IQCM: variants seen among roughly 807,000 people sequenced by gnomAD.
IQCM encodes the protein IQ motif containing M.
A neutral mutation model predicts 57.6 loss-of-function variants in IQCM; 45 were observed. The ratio of observed to expected loss-of-function variants is 0.78; its 90% CI spans 0.62 to 1.00. The LOEUF is 1.00. IQCM is among the 50% of genes least tolerant of loss of function. The pLI, the probability that IQCM is intolerant of heterozygous loss-of-function variation, is 0.00. For synonymous variants in IQCM, 148 were observed against 158.9 expected (o/e 0.93, Z 0.51); for missense variants, 468 against 511.6 (o/e 0.91, Z 0.82).
intron 2 of IQCM, among the ~76,000 whole-genome samples, chr4:149,791,256 G>T (rs1249422094): frequency 6.6e-6 from 1 of 151,520 alleles, no homozygotes; most frequent in Non-Finnish European, 1.5e-5. Context: ...CTTTTTTATT[G>T]ACTCTCATTA....
chr4:149,462,662 A>T (rs927884610), intron 12 of IQCM, among the ~76,000 whole-genome samples: 4 of 152,154 alleles, frequency 2.6e-5, no homozygotes, highest in Admixed American at 1.3e-4. Flanking sequence ...GGGACCCATT[A>T]GTTATCATGG....
intron 12 of IQCM, among the ~76,000 whole-genome samples, chr4:149,517,532 T>C (rs1247890185): frequency 1.3e-5 from 2 of 152,136 alleles, no homozygotes; most frequent in African/African-American, 4.8e-5. Flanking sequence ...TCAGGAGATG[T>C]GTATGGGTTC....
At position 149,354,091 on chromosome 4, in the gene IQCM, G is replaced by A. The variant is rs573241424; in HGVS notation, c.1391-2025C>T. The stretch of plus-strand genomic sequence containing the variant: ...TTTAAAACTGACAAATTGGCCAGGC[G>A]CGGTGGCTCACGCCTGTAATCCCAG... On this transcript the variant is annotated intron_variant, in intron 13 of 13. Coordinates refer to ENST00000636793, the MANE Select transcript of IQCM (RefSeq NM_001363507.2). 1.5e-4 allele frequency among the ~76,000 whole-genome samples: 23 copies of A among 152,036 alleles called. No individual in the cohort carries two copies. The South Asian group carries it at 2.9e-3, about 19-fold the overall frequency.
intron 7 of IQCM, among the ~76,000 whole-genome samples, chr4:149,627,715 C>A (rs1461568457): frequency 6.6e-6 from 1 of 152,050 alleles, no homozygotes; most frequent in Non-Finnish European, 1.5e-5. Context: ...TGTCCTAATC[C>A]CTGAAACCTA....
At chr4:149,681,070 T>TA (rs1762140057) in intron 7 of IQCM, among the ~76,000 whole-genome samples, 1 of 151,324 alleles carries the variant, frequency 6.6e-6, no homozygotes, top group Non-Finnish European at 1.5e-5. Flanking sequence ...TCATCCTGAA[T>TA]AAATTCTAAA....
At chr4:149,590,362 CTCA>C (rs1271769106) in intron 8 of IQCM, among the ~76,000 whole-genome samples, 1 of 142,464 alleles carries the variant, frequency 7.0e-6, no homozygotes, top group East Asian at 2.3e-4. Flanking sequence ...ATATTCACAT[CTCA>C]AGTCTATTCT....
At chr4:149,511,130 G>A (rs993314019) in intron 12 of IQCM, among the ~76,000 whole-genome samples, 8 of 152,126 alleles carry the variant, frequency 5.3e-5, no homozygotes, top group African/African-American at 1.7e-4. Flanking sequence ...ATTCTGACAT[G>A]TCTATGATAT....
chr4:149,379,148 G>A (rs1730900825), intron 13 of IQCM, among the ~76,000 whole-genome samples: 1 of 152,242 alleles, frequency 6.6e-6, no homozygotes, highest in South Asian at 2.1e-4. Flanking sequence ...ACGCCTGGAT[G>A]TCCAGGCAGA....
intron 8 of IQCM, among the ~76,000 whole-genome samples, chr4:149,613,904 A>C (rs573251666): frequency 1.3e-5 from 2 of 152,152 alleles, no homozygotes; most frequent in South Asian, 2.1e-4. Flanking sequence ...TGAACTCATC[A>C]TTTTTTATGG....
intron 13 of IQCM, among the ~76,000 whole-genome samples, chr4:149,383,186 G>T (rs1371821761): frequency 6.6e-6 from 1 of 152,010 alleles, no homozygotes; most frequent in Admixed American, 6.6e-5. Context: ...GGTTAGATTG[G>T]TAATTGCTTC....
In IQCM at chr4:149,392,982, C is replaced by A. The variant is rs560013473; in HGVS notation, c.1390+40414G>T. Among the ~76,000 whole-genome samples the A allele has an allele frequency of 2.6e-5, 4 of 151,994 alleles. No individual in the cohort carries two copies. In the South Asian group the frequency reaches 8.3e-4, roughly 32 times the overall value. On this transcript the variant is annotated intron_variant, in intron 13 of 13. Coordinates refer to ENST00000636793, the MANE Select transcript of IQCM (RefSeq NM_001363507.2). ...GCTAGGAGTTAGACACCAGCCTGGG[C>A]AATAAAGTGAGGCCCTGTTTCCAAA... is the stretch of plus-strand genomic sequence containing the variant.
chr4:149,690,928 C>A (rs141786447), intron 5 of IQCM: 1 of 152,060 alleles, frequency 6.6e-6, no homozygotes, highest in East Asian at 1.9e-4. Context: ...TCTACACTGC[C>A]CCCTGGAACT....
intron 12 of IQCM, among the ~76,000 whole-genome samples, chr4:149,510,542 T>A (rs2149808667): frequency 6.6e-6 from 1 of 152,324 alleles, no homozygotes; most frequent in South Asian, 2.1e-4. Flanking sequence ...CCTGTTGCCA[T>A]CTTCCATCAT....
chr4:149,614,545 T>C (rs1755609558), intron 8 of IQCM, among the ~76,000 whole-genome samples: 1 of 152,132 alleles, frequency 6.6e-6, no homozygotes, highest in Non-Finnish European at 1.5e-5. Context: ...CGCTACCCCT[T>C]GGCCCTATCA....
chr4:149,787,010 G>C (rs1252648972), intron 2 of IQCM, among the ~76,000 whole-genome samples: 1 of 152,162 alleles, frequency 6.6e-6, no homozygotes, highest in Non-Finnish European at 1.5e-5. Flanking sequence ...AAAAAGGAAT[G>C]ATATCATGTC....
At chr4:149,559,666 T>C (rs1169322340) in intron 10 of IQCM, among the ~76,000 whole-genome samples, 1 of 152,230 alleles carries the variant, frequency 6.6e-6, no homozygotes, top group South Asian at 2.1e-4. Context: ...GGACCCAGTA[T>C]ATAGTAACTA....
chr4:149,699,392 T>C (rs1287832786), intron 5 of IQCM, among the ~76,000 whole-genome samples: 1 of 151,942 alleles, frequency 6.6e-6, no homozygotes, highest in Non-Finnish European at 1.5e-5. Context: ...CTTAGCAAAA[T>C]TGCCCAGAAG....
At chr4:149,772,647 T>C (rs1770697168) in intron 2 of IQCM, among the ~76,000 whole-genome samples, 1 of 152,208 alleles carries the variant, frequency 6.6e-6, no homozygotes, top group Non-Finnish European at 1.5e-5. Context: ...TATAAGTAAA[T>C]GAGGCATAAA....
intron 8 of IQCM, among the ~76,000 whole-genome samples, chr4:149,592,307 A>AT (rs892993064): frequency 2.6e-5 from 4 of 151,142 alleles, no homozygotes; most frequent in African/African-American, 9.7e-5. Context: ...GGGTTGTTTG[A>AT]TTTTTTTTCT....
Sources: gnomAD v4.1 joint callset for allele counts (sites outside exome capture counted in the v4.1 genomes callset) on GRCh38, gnomAD v4.1.1 for gene constraint, MANE v1.5 for transcripts, NCBI Gene and HGNC (gene_info 2026-07-23, HGNC 2026-07-21) for gene names.